The following KIAA1671 variants were observed in gnomAD, a reference collection of about 807,000 sequenced individuals.
The protein encoded by KIAA1671 is uncharacterized protein KIAA1671.
A neutral mutation model predicts 131.2 loss-of-function variants in KIAA1671; 52 were observed. The observed-to-expected ratio is 0.40, with a 90% CI of 0.32 to 0.50. KIAA1671 has a LOEUF of 0.50. KIAA1671 is among the 20% of genes least tolerant of loss of function. The pLI, the probability that KIAA1671 is intolerant of heterozygous loss-of-function variation, is 0.73. For synonymous variants in KIAA1671, 1,003 were observed against 961.6 expected (o/e 1.04, Z -0.80); for missense variants, 2,360 against 2,364.2 (o/e 1.00, Z 0.04).
rs1034948819 is a variant in KIAA1671 at position 25,041,061 on chromosome 22, G to T, written c.3931G>T (p.Gly1311Cys). 2.6e-6 allele frequency: 4 copies of T among 1,523,888 alleles called. No homozygotes were observed. Among genetic ancestry groups the T allele is most frequent in the Non-Finnish European group, 3.5e-6 (4 of 1,133,976 alleles). 94.4% of individuals were successfully genotyped at this position (1,523,888 alleles called of 1,614,324 possible). The change falls in exon 5 of 13, where the codon GGC becomes TGC. Residue 1311 changes from glycine to cysteine, a missense_variant. Coordinates refer to ENST00000358431, the MANE Select transcript of KIAA1671 (RefSeq NM_001145206.2). ...PSAPSERYPG[G>C]SPIPADPRKK... ...GGCTCCTTCTGAAAGGTATCCAGGGGGCTCTCCTATACCTGCGGATCCCAG... is the reference window on the plus strand; with the variant it reads ...GGCTCCTTCTGAAAGGTATCCAGGGTGCTCTCCTATACCTGCGGATCCCAG...
intron 6 of KIAA1671, among the ~76,000 whole-genome samples, chr22:25,088,348 C>T (rs1172343890): frequency 6.6e-6 from 1 of 152,174 alleles, no homozygotes; most frequent in Non-Finnish European, 1.5e-5. Context: ...CTTAGGTAAT[C>T]CACTGGCCTT....
chr22:25,142,111 G>C (rs1489310895), intron 6 of KIAA1671, among the ~76,000 whole-genome samples: 1 of 152,152 alleles, frequency 6.6e-6, no homozygotes, highest in East Asian at 1.9e-4. Context: ...TTCCCCATCA[G>C]GCACTTCTGC....
intron 6 of KIAA1671, among the ~76,000 whole-genome samples, chr22:25,091,738 A>T (rs1930038307): frequency 6.6e-6 from 1 of 152,120 alleles, no homozygotes; most frequent in Admixed American, 6.6e-5. Flanking sequence ...CAGGATTTTG[A>T]CTATTAAATG....
intron 1 of KIAA1671, among the ~76,000 whole-genome samples, chr22:24,999,291 C>G (rs1044837976): frequency 5.3e-5 from 8 of 151,596 alleles, no homozygotes; most frequent in Admixed American, 4.6e-4. Context: ...CTGGAGTGCA[C>G]TGGCGCAATC....
chr22:25,074,832 T>C (rs1192638889), intron 6 of KIAA1671, among the ~76,000 whole-genome samples: 1 of 152,188 alleles, frequency 6.6e-6, no homozygotes, highest in East Asian at 1.9e-4. Context: ...AGATGCTACA[T>C]TGGAGCATGG....
chr22:25,049,122 TTTC>T (rs1318520057), intron 5 of KIAA1671, 105 bp from the exon 6 acceptor site: 2 of 1,349,008 alleles, frequency 1.5e-6, no homozygotes, highest in East Asian at 2.5e-5. Context: ...GGGGTTTAAT[TTTC>T]TTCTTTGCCC....
intron 4 of KIAA1671, among the ~76,000 whole-genome samples, chr22:25,036,829 C>T (rs1442710151): frequency 2.6e-5 from 4 of 152,200 alleles, no homozygotes; most frequent in South Asian, 2.1e-4. Context: ...GAGGCTGAGG[C>T]AGGAGAATCA....
intron 6 of KIAA1671, among the ~76,000 whole-genome samples, chr22:25,149,600 A>AC (rs35008978): frequency 6.6e-6 from 1 of 151,392 alleles, no homozygotes; most frequent in South Asian, 2.1e-4. Context: ...ACCCTGGAAG[A>AC]CCCCCCACTT....
chr22:25,008,240 C>G, intron 1 of KIAA1671, among the ~76,000 whole-genome samples: 1 of 147,834 alleles, frequency 6.8e-6, no homozygotes, highest in East Asian at 2.0e-4. Flanking sequence ...AAGTTGCTGT[C>G]TAACACCATT....
chr22:24,992,173 G>T (rs1434680128), intron 1 of KIAA1671, among the ~76,000 whole-genome samples: 1 of 152,202 alleles, frequency 6.6e-6, no homozygotes, highest in Non-Finnish European at 1.5e-5. Context: ...TAATTGGGAC[G>T]GAGGATGGAG....
At position 25,088,768 on chromosome 22, in the gene KIAA1671, C is replaced by T. The variant is rs574926880; in HGVS notation, c.4530+39404C>T. Among the ~76,000 whole-genome samples, 45 of 152,296 alleles carry T rather than the reference C, an allele frequency of 3.0e-4. No individual in the cohort carries two copies. The South Asian group carries it at 9.1e-3, about 31-fold the overall frequency. ...CACCTCCAATCTGCAGTCCCCTCCTCCGGAAACTGGTGACAGGTTCATGTG... is the reference window on the plus strand; with the variant it reads ...CACCTCCAATCTGCAGTCCCCTCCTTCGGAAACTGGTGACAGGTTCATGTG... On this transcript the variant is annotated intron_variant, in intron 6 of 12. Coordinates refer to ENST00000358431, the MANE Select transcript of KIAA1671 (RefSeq NM_001145206.2).
At chr22:25,145,410 A>C (rs981388872) in intron 6 of KIAA1671, among the ~76,000 whole-genome samples, 1 of 152,222 alleles carries the variant, frequency 6.6e-6, no homozygotes, top group South Asian at 2.1e-4. Flanking sequence ...GGTTTCCCCA[A>C]GGCCACACAG....
chr22:25,192,059 C>G (rs778340085), intron 12 of KIAA1671, among the ~76,000 whole-genome samples: 2 of 151,962 alleles, frequency 1.3e-5, no homozygotes, highest in Non-Finnish European at 2.9e-5. Flanking sequence ...AAACTATGCT[C>G]AAGGGATTTG....
intron 4 of KIAA1671, 105 bp downstream of exon 4, chr22:25,032,801 A>C (rs2076119): frequency 3.3e-6 from 2 of 612,068 alleles, no homozygotes; most frequent in Admixed American, 2.9e-5. Flanking sequence ...ACTCAGAAAC[A>C]TGTCATGCAC....
chr22:25,106,274 C>T (rs984579556), intron 6 of KIAA1671, among the ~76,000 whole-genome samples: 5 of 152,152 alleles, frequency 3.3e-5, no homozygotes, highest in East Asian at 1.9e-4. Flanking sequence ...GTTGGTGGTG[C>T]CTTGAGGCAA....
intron 6 of KIAA1671, among the ~76,000 whole-genome samples, chr22:25,079,200 C>CAAG (rs1357778230): frequency 6.6e-6 from 1 of 151,652 alleles, no homozygotes. Flanking sequence ...CATCAGTGCA[C>CAAG]AAGACAGCCA....
rs147093627 is a variant in KIAA1671 at position 24,966,815 on chromosome 22, G to A, written c.-208+14043G>A. 3.9e-3 allele frequency among the ~76,000 whole-genome samples: 594 copies of A among 152,232 alleles called. 21 individuals carry two copies. In the East Asian group the frequency reaches 0.077, roughly 20 times the overall value. On this transcript the variant is annotated intron_variant, in intron 1 of 12. Coordinates refer to ENST00000358431, the MANE Select transcript of KIAA1671 (RefSeq NM_001145206.2). ...AAAAAATTTAAAAAATTAACCAGGC[G>A]TGATGGTGCACACACCTGTAGTCTC...
chr22:25,125,067 C>T lies in KIAA1671; in HGVS notation c.4531-45753C>T, dbSNP rs73401830. On this transcript the variant is annotated intron_variant, in intron 6 of 12. Transcript: ENST00000358431. ...AGCCACTGTTCCTGACTGTTGGTTTCGTATTCATGCAAAGTTAGCTGCTGG... is the reference window on the plus strand; with the variant it reads ...AGCCACTGTTCCTGACTGTTGGTTTTGTATTCATGCAAAGTTAGCTGCTGG... Among the ~76,000 whole-genome samples, 209 of 152,276 alleles carry T rather than the reference C, an allele frequency of 1.4e-3. 1 individual carries two copies. The highest frequency in any genetic ancestry group is 4.5e-3 in the African/African-American group (188 of 41,556).
intron 1 of KIAA1671, among the ~76,000 whole-genome samples, chr22:24,980,769 G>A (rs1923189534): frequency 6.7e-6 from 1 of 149,730 alleles, no homozygotes; most frequent in Non-Finnish European, 1.5e-5. Context: ...TTTTTGAGAT[G>A]GAGTCTTGCT....
Sources: allele counts gnomAD v4.1 joint callset (sites outside exome capture counted in the v4.1 genomes callset), GRCh38; gene constraint gnomAD v4.1.1; transcripts MANE v1.5; gene names NCBI Gene and HGNC (gene_info 2026-07-23, HGNC 2026-07-21).